RPAP3: variants seen among roughly 807,000 people sequenced by gnomAD.
RPAP3 encodes RNA polymerase II-associated protein 3.
Under a neutral mutation model 88.8 loss-of-function variants are expected in RPAP3, and 58 were observed. That is an observed-to-expected ratio of 0.65 (90% CI 0.53 to 0.81). RPAP3 has a LOEUF of 0.81. RPAP3 is among the 40% of genes least tolerant of loss of function. The pLI, the probability that RPAP3 is intolerant of heterozygous loss-of-function variation, is 0.00. For missense variants in RPAP3, 751 were observed against 764.3 expected, an observed-to-expected ratio of 0.98 and a Z score of 0.20; for synonymous variants, 255 against 259.9, an observed-to-expected ratio of 0.98 and a Z score of 0.18.
At chr12:47,664,402 A>G (rs1445501563) in intron 16 of RPAP3, among the ~76,000 whole-genome samples, 38 of 152,122 alleles carry the variant, frequency 2.5e-4, no homozygotes, top group Non-Finnish European at 8.8e-5. Flanking sequence ...AAAATAAATA[A>G]ATAAATAAAT....
At chr12:47,701,636 A>G (rs1020082324) in intron 2 of RPAP3, 32 bp from the exon 3 acceptor site, 2 of 1,527,084 alleles carry the variant, frequency 1.3e-6, no homozygotes, top group Non-Finnish European at 1.8e-6. Flanking sequence ...CAAAGTTGTG[A>G]GTATTATGCT....
chr12:47,694,413 G>A (rs1295682511), intron 5 of RPAP3, among the ~76,000 whole-genome samples: 2 of 152,146 alleles, frequency 1.3e-5, no homozygotes, highest in Non-Finnish European at 1.5e-5. Context: ...ATGTTTAGAA[G>A]AAATTAGAGG....
intron 1 of RPAP3, 94 bp from the exon 2 acceptor site, chr12:47,702,940 G>C: frequency 1.0e-6 from 1 of 953,748 alleles, no homozygotes; most frequent in South Asian, 2.2e-5. Context: ...CACTTCATAA[G>C]TGGCCAAGAT....
chr12:47,663,509 C>T lies in RPAP3; in HGVS notation c.1994G>A (p.Gly665Asp). ...SVEELKKRYG[G>D] ...TTATTTCAGCAAAAATGGAAATCAA[C>T]CACCGTATCTTTTCTTGAGTTCTTC... is the stretch of plus-strand genomic sequence containing the variant. The change falls in exon 17 of 17, where the codon GGT becomes GAT. Residue 665 changes from glycine (G) to aspartate (D), a missense_variant. Physicochemically the swap from Gly to Asp is moderately conservative, Grantham distance 94. Transcript: ENST00000005386. 1 of 1,578,254 alleles carries T rather than the reference C, an allele frequency of 6.3e-7. No homozygotes were observed. The highest frequency in any genetic ancestry group is 1.2e-5 in the South Asian group (1 of 85,746).
intron 5 of RPAP3, among the ~76,000 whole-genome samples, chr12:47,693,928 A>G (rs1939475487): frequency 6.6e-6 from 1 of 152,258 alleles, no homozygotes; most frequent in South Asian, 2.1e-4. Flanking sequence ...GTTTTCAAAG[A>G]CATTAATGAC....
intron 12 of RPAP3, 45 bp downstream of exon 12, chr12:47,679,448 C>T (rs1215538446): frequency 7.1e-6 from 9 of 1,275,138 alleles, no homozygotes; most frequent in Non-Finnish European, 1.0e-5. Flanking sequence ...TCTCCTATTA[C>T]AACATATTTA....
At chr12:47,673,854 G>C (rs994647754) in intron 12 of RPAP3, among the ~76,000 whole-genome samples, 4 of 152,074 alleles carry the variant, frequency 2.6e-5, no homozygotes, top group African/African-American at 9.6e-5. Flanking sequence ...CTTGATGCAA[G>C]GGTGTTTATC....
rs768977743 is a variant in RPAP3, at chr12:47,697,581, CCTAA to C, written c.417+12_417+15del. The C allele has an allele frequency of 1.1e-5, 18 of 1,580,858 alleles. No individual in the cohort carries two copies. The highest frequency in any genetic ancestry group is 1.2e-5 in the Non-Finnish European group (14 of 1,169,874). ...CCTGCTTACATGAAAAAAAACAAAA[CCTAA>C]CTAATTAGTACCTTTTCTTTTAAAA... On this transcript the variant is annotated intron_variant, in intron 4 of 16. Coordinates refer to ENST00000005386, the MANE Select transcript of RPAP3 (RefSeq NM_024604.3).
intron 9 of RPAP3, among the ~76,000 whole-genome samples, chr12:47,682,782 C>T (rs1459818208): frequency 6.6e-6 from 1 of 151,864 alleles, no homozygotes; most frequent in Non-Finnish European, 1.5e-5. Flanking sequence ...ATCAGAATTT[C>T]GAATGAACTT....
In RPAP3 at chr12:47,686,779, C is replaced by T; in HGVS notation, c.992+1G>A. 6.4e-7 allele frequency: 1 copy of T among 1,555,618 alleles called. No homozygotes were observed. Among genetic ancestry groups the T allele is most frequent in the Non-Finnish European group, 8.7e-7 (1 of 1,154,286 alleles). On this transcript the variant is annotated splice_donor_variant, in intron 9 of 16. Coordinates refer to ENST00000005386, the MANE Select transcript of RPAP3 (RefSeq NM_024604.3). LOFTEE classifies it high-confidence loss of function. ...AGCACTAAAATGTAACCAATACTTA[C>T]TTCTGAATCTTCAGATAGGCCATAG...
intron 3 of RPAP3, chr12:47,699,579 A>G (rs190764609): frequency 6.6e-6 from 1 of 152,358 alleles, no homozygotes; most frequent in Non-Finnish European, 1.5e-5. Context: ...AATAATTTGG[A>G]AAACTGTTTG....
At chr12:47,683,443 T>G (rs1037936238) in intron 9 of RPAP3, among the ~76,000 whole-genome samples, 2 of 152,112 alleles carry the variant, frequency 1.3e-5, no homozygotes, top group Non-Finnish European at 2.9e-5. Flanking sequence ...ACACCCAAAT[T>G]CAAAGAAAAT....
intron 16 of RPAP3, among the ~76,000 whole-genome samples, chr12:47,665,638 T>C (rs1306866541): frequency 6.6e-6 from 1 of 150,636 alleles, no homozygotes; most frequent in Non-Finnish European, 1.5e-5. Flanking sequence ...TATTTTTTTA[T>C]TTTTATTTAA....
intron 8 of RPAP3, among the ~76,000 whole-genome samples, chr12:47,687,427 A>G (rs1366976727): frequency 6.6e-6 from 1 of 152,122 alleles, no homozygotes; most frequent in African/African-American, 2.4e-5. Flanking sequence ...CAAATATCAC[A>G]ATCAATAATC....
Position 47,663,379 on chromosome 12 carries a change from AT to A in RPAP3, c.*125del, listed in dbSNP as rs1341061465. 1 of 612,214 alleles carries A rather than the reference AT, an allele frequency of 1.6e-6. No individual in the cohort carries two copies. Among genetic ancestry groups the A allele is most frequent in the Non-Finnish European group, 2.8e-6 (1 of 352,720 alleles). 37.9% of individuals were successfully genotyped at this position (612,214 alleles called of 1,614,324 possible). A position where few individuals can be genotyped will look rare whatever the true frequency, so the allele number is the denominator to read the frequency against. Reference sequence around the variant, plus strand: ...TAAATCACAATTCACCTTATAGTTAATTAACTTATGTTCAAAGATAGTCCTT... The same window carrying A: ...TAAATCACAATTCACCTTATAGTTAATAACTTATGTTCAAAGATAGTCCTT... On this transcript the variant is annotated 3_prime_UTR_variant, in exon 17 of 17. Transcript: ENST00000005386.
Position 47,702,503 on chromosome 12 carries a change from G to A in RPAP3, c.153+185C>T, listed in dbSNP as rs185178103. On this transcript the variant is annotated intron_variant, in intron 2 of 16. Transcript: ENST00000005386. ...CAGGAGGCGGAGGTTGCAGTGAGCC[G>A]AGATCGCGCCACTGCACTCCAGCCT... Among the ~76,000 whole-genome samples the A allele has an allele frequency of 3.0e-4, 46 of 152,190 alleles. No individual in the cohort carries two copies. The East Asian group carries it at 3.3e-3, about 11-fold the overall frequency.
rs1938914093 is a variant in RPAP3 at position 47,667,867 on chromosome 12, A to G, written c.1714-16T>C. ...GTTCAATTTGCTTGAAAAAAAAATA[A>G]AAAGACAATTACTTGATGGCAACAC... On this transcript the variant is annotated splice_polypyrimidine_tract_variant and intron_variant, in intron 14 of 16. Transcript: ENST00000005386. The G allele has an allele frequency of 6.7e-7, 1 of 1,489,958 alleles. No individual in the cohort carries two copies. Among genetic ancestry groups the G allele is most frequent in the African/African-American group, 1.4e-5 (1 of 71,730 alleles). 92.3% of individuals were successfully genotyped at this position (1,489,958 alleles called of 1,614,324 possible). A position where few individuals can be genotyped will look rare whatever the true frequency, so the allele number is the denominator to read the frequency against.
chr12:47,687,063 G>A (rs1407642282), intron 8 of RPAP3, among the ~76,000 whole-genome samples, 156 bp from the exon 9 acceptor site: 1 of 152,110 alleles, frequency 6.6e-6, no homozygotes, highest in Admixed American at 6.5e-5. Context: ...TTTAAAATCT[G>A]TTGGTTTGGG....
chr12:47,697,830 A>C, intron 3 of RPAP3, 111 bp from the exon 4 acceptor site: 6 of 987,754 alleles, frequency 6.1e-6, no homozygotes, highest in Non-Finnish European at 8.9e-6. Flanking sequence ...TTACAATCTA[A>C]GGACCTACAG....
Sources: allele counts gnomAD v4.1 joint callset (sites outside exome capture counted in the v4.1 genomes callset), GRCh38; gene constraint gnomAD v4.1.1; transcripts MANE v1.5; gene names NCBI Gene and HGNC (gene_info 2026-07-23, HGNC 2026-07-21).